The following GTF2IRD1 variants were observed in gnomAD, a reference collection of about 807,000 sequenced individuals.
The protein encoded by GTF2IRD1 is GTF2I repeat domain containing 1, also known as general transcription factor II-I repeat domain-containing protein 1.
Under a neutral mutation model 113.2 loss-of-function variants are expected in GTF2IRD1, and 26 were observed. The observed-to-expected ratio is 0.23, with a 90% CI of 0.17 to 0.32. The LOEUF is 0.32. Among genes scored for constraint, GTF2IRD1 ranks in the 10% least tolerant of loss-of-function variants. GTF2IRD1 has a pLI of 1.00. For missense variants in GTF2IRD1, 864 were observed against 1,280.8 expected, an observed-to-expected ratio of 0.67 and a Z score of 4.97; for synonymous variants, 484 against 529.1, an observed-to-expected ratio of 0.91 and a Z score of 1.17.
chr7:74,552,195 G>A (rs587764928), intron 17 of GTF2IRD1, among the ~76,000 whole-genome samples: 100 of 152,146 alleles, frequency 6.6e-4, no homozygotes, highest in Non-Finnish European at 1.1e-3. Context: ...GACCAGCCTA[G>A]GCAACATGGT....
At chr7:74,487,910 CA>C (rs2117187232) in intron 1 of GTF2IRD1, among the ~76,000 whole-genome samples, 1 of 152,232 alleles carries the variant, frequency 6.6e-6, no homozygotes, top group East Asian at 1.9e-4. Flanking sequence ...CCATCACTTC[CA>C]TTTTTTTCAG....
In GTF2IRD1 at chr7:74,518,347, C is replaced by T. The variant is rs368193495; in HGVS notation, c.605+25C>T. 3.5e-5 allele frequency: 54 copies of T among 1,553,118 alleles called. No individual in the cohort carries two copies. The African/African-American group carries it at 7.0e-4, about 20-fold the overall frequency. On this transcript the variant is annotated intron_variant, in intron 5 of 26. Transcript: ENST00000424337. ...GGTGAGTGAGGTAGCCGGCCCGGGG[C>T]TGGGCTGGGGCTGGGCCAGGGCCGG...
chr7:74,472,604 T>G (rs1384867012), intron 1 of GTF2IRD1, among the ~76,000 whole-genome samples: 5 of 152,024 alleles, frequency 3.3e-5, no homozygotes, highest in Non-Finnish European at 7.4e-5. Context: ...AAAAAAAATT[T>G]AGCCAGGCAT....
Position 74,555,093 on chromosome 7 carries a change from A to G in GTF2IRD1, c.1917-81A>G. 7.6e-7 allele frequency: 1 copy of G among 1,310,996 alleles called. No individual in the cohort carries two copies. The highest frequency in any genetic ancestry group is 1.1e-6 in the Non-Finnish European group (1 of 923,040). 81.2% of individuals were successfully genotyped at this position (1,310,996 alleles called of 1,614,324 possible). A position where few individuals can be genotyped will look rare whatever the true frequency, so the allele number is the denominator to read the frequency against. On this transcript the variant is annotated intron_variant, in intron 17 of 26. Transcript: ENST00000424337. This position sits in a 1 kb window ranked among gnomAD's most constrained non-coding sequence, Gnocchi z 5.3. The stretch of plus-strand genomic sequence containing the variant: ...AAGGGTCCATTGCAGGGCTGTGTAG[A>G]CTGAGGCCCAGAGAGGAGGGCTGAG...
chr7:74,461,931 C>T (rs1475434999), intron 1 of GTF2IRD1, among the ~76,000 whole-genome samples: 3 of 152,084 alleles, frequency 2.0e-5, no homozygotes, highest in African/African-American at 7.2e-5. Context: ...TATGCTATAC[C>T]AGGAACTTGC....
chr7:74,488,743 G>T (rs1409462342), intron 1 of GTF2IRD1, among the ~76,000 whole-genome samples: 1 of 152,062 alleles, frequency 6.6e-6, no homozygotes, highest in Non-Finnish European at 1.5e-5. Context: ...TCCAGCCTGG[G>T]TGACAGAAGA....
At chr7:74,535,917 C>T (rs1342718643) in intron 10 of GTF2IRD1, among the ~76,000 whole-genome samples, 1 of 152,204 alleles carries the variant, frequency 6.6e-6, no homozygotes, top group Admixed American at 6.5e-5. Flanking sequence ...TCCCATTCCT[C>T]CTGCCCCTTG....
At chr7:74,504,803 G>T (rs1796219287) in intron 1 of GTF2IRD1, among the ~76,000 whole-genome samples, 1 of 150,350 alleles carries the variant, frequency 6.7e-6, no homozygotes, top group Non-Finnish European at 1.5e-5. Context: ...CACCGCCGGG[G>T]TTCCAGCGAT....
chr7:74,587,434 ACT>A (rs1259760289), intron 22 of GTF2IRD1, among the ~76,000 whole-genome samples: 5 of 151,274 alleles, frequency 3.3e-5, no homozygotes, highest in Admixed American at 1.3e-4. Flanking sequence ...ACAGAGTGAG[ACT>A]CTGTCTTGGA....
intron 17 of GTF2IRD1, among the ~76,000 whole-genome samples, chr7:74,554,211 C>T (rs143930308): frequency 9.8e-5 from 15 of 152,286 alleles, no homozygotes; most frequent in South Asian, 6.2e-4. Context: ...TGCCATCCCC[C>T]GACAGCCCCC....
Position 74,601,096 on chromosome 7 carries a change from T to C in GTF2IRD1, c.2682T>C (p.Asn894=). Residue 894 remains asparagine (N), a synonymous_variant, in exon 26 of 27, where the codon AAT becomes AAC. Transcript: ENST00000424337. ...AGAGAAAGCGGGTCTCGGAAGGAAA[T>C]TCCGTCTCCTCTTCCTCCTCGTCTT... ...KRKRKRVSEG[N]SVSSSSSSSS... is the part of the protein sequence containing the mutation. 6.2e-7 allele frequency: 1 copy of C among 1,614,034 alleles called. No homozygotes were observed. Among genetic ancestry groups the C allele is most frequent in the Non-Finnish European group, 8.5e-7 (1 of 1,179,970 alleles).
chr7:74,565,724 C>A (rs1800262789), intron 22 of GTF2IRD1, among the ~76,000 whole-genome samples: 1 of 151,980 alleles, frequency 6.6e-6, no homozygotes. Flanking sequence ...AATCCCAGCG[C>A]TTTGGGAGGC....
chr7:74,509,783 C>T (rs1796519677), intron 2 of GTF2IRD1, among the ~76,000 whole-genome samples: 1 of 151,894 alleles, frequency 6.6e-6, no homozygotes, highest in South Asian at 2.1e-4. Flanking sequence ...AGCAATTCTC[C>T]TGCCTCAGCC....
intron 20 of GTF2IRD1, 69 bp downstream of exon 20, chr7:74,557,791 G>A (rs1236705274): frequency 1.0e-6 from 1 of 960,684 alleles, no homozygotes; most frequent in Non-Finnish European, 1.6e-6. Flanking sequence ...AGGCTTCCCA[G>A]TTCCAGCCGA....
At chr7:74,589,742 T>G (rs1801941405) in intron 22 of GTF2IRD1, 109 bp from the exon 23 acceptor site, 1 of 675,546 alleles carries the variant, frequency 1.5e-6, no homozygotes, top group Admixed American at 2.4e-5. Context: ...GGGTCGGCCC[T>G]GCAGAGAATG....
chr7:74,583,131 G>A (rs1554366630), intron 22 of GTF2IRD1, among the ~76,000 whole-genome samples: 1 of 152,114 alleles, frequency 6.6e-6, no homozygotes, highest in Non-Finnish European at 1.5e-5. Context: ...GTATATTGTG[G>A]GCCTTGCACA....
At position 74,601,119 on chromosome 7, in the gene GTF2IRD1, C is replaced by T. The variant is rs1051704699; in HGVS notation, c.2705C>T (p.Ser902Phe). 1.1e-5 allele frequency: 18 copies of T among 1,613,234 alleles called. No homozygotes were observed. Among genetic ancestry groups the T allele is most frequent in the Non-Finnish European group, 1.4e-5 (17 of 1,179,706 alleles). ...EGNSVSSSSS[S>F]SSSSSSNPDS... ...AATTCCGTCTCCTCTTCCTCCTCGT[C>T]TTCCTCTTCCTCGTCCTCTAACCCG... Residue 902 changes from serine (S) to phenylalanine (F), a missense_variant, in exon 26 of 27, where the codon TCT (serine) becomes TTT (phenylalanine). Ser to Phe is a radical substitution (Grantham distance 155, BLOSUM62 -2). Transcript: ENST00000424337.
intron 26 of GTF2IRD1, 70 bp downstream of exon 26, chr7:74,601,250 T>A: frequency 6.4e-7 from 1 of 1,551,672 alleles, no homozygotes; most frequent in Non-Finnish European, 8.7e-7. Context: ...GGCAGGGCCG[T>A]CTACTCTGGG....
intron 22 of GTF2IRD1, among the ~76,000 whole-genome samples, chr7:74,566,052 G>A (rs1800294639): frequency 7.0e-6 from 1 of 143,748 alleles, no homozygotes; most frequent in Non-Finnish European, 1.5e-5. Flanking sequence ...AAAGAGAAAT[G>A]CAAATATATG....
Sources: gnomAD v4.1 joint callset for allele counts (sites outside exome capture counted in the v4.1 genomes callset) on GRCh38, gnomAD v4.1.1 for gene constraint, Gnocchi (gnomAD v3.1) non-coding constraint, MANE v1.5 for transcripts, NCBI Gene and HGNC (gene_info 2026-07-23, HGNC 2026-07-21) for gene names.